CEP350: variants seen among roughly 807,000 people sequenced by gnomAD.
CEP350 encodes the protein centrosomal protein 350.
A neutral mutation model predicts 331.8 loss-of-function variants in CEP350; 126 were observed. The ratio of observed to expected loss-of-function variants is 0.38; its 90% CI spans 0.33 to 0.44. CEP350 has a LOEUF of 0.44. Ranked by LOEUF, CEP350 falls within the 20% of genes least tolerant of loss-of-function variation. CEP350 has a pLI of 1.00. For synonymous variants in CEP350, 1,200 were observed against 1,259.5 expected (o/e 0.95, Z 1.00); for missense variants, 3,406 against 3,634.6 (o/e 0.94, Z 1.62).
chr1:180,092,693 C>A lies in CEP350; in HGVS notation c.6588C>A (p.Asp2196Glu). ...ATGCAAAGAGAGTAAATGAATGGGA[C>A]AGTCGAACAGAAGATTTTCAGACCC... The part of the protein sequence containing the change: ...SAYAKRVNEW[D>E]SRTEDFQTPS... The change falls in exon 34 of 38, where the codon GAC (aspartate) becomes GAA (glutamate). Residue 2196 changes from aspartate to glutamate, a missense_variant. Physicochemically the swap from Asp to Glu is conservative, Grantham distance 45. Coordinates refer to ENST00000367607, the MANE Select transcript of CEP350 (RefSeq NM_014810.5). The A allele has an allele frequency of 6.2e-7, 1 of 1,612,700 alleles. No homozygotes were observed. The highest frequency in any genetic ancestry group is 2.2e-5 in the East Asian group (1 of 44,800).
chr1:180,075,683 G>A (rs1040878801), intron 28 of CEP350, among the ~76,000 whole-genome samples: 1 of 151,974 alleles, frequency 6.6e-6, no homozygotes, highest in African/African-American at 2.4e-5. Flanking sequence ...GGCTAGGCGC[G>A]GTGGCTCATG....
intron 1 of CEP350, among the ~76,000 whole-genome samples, chr1:179,973,870 A>G (rs1240589728): frequency 1.3e-5 from 2 of 151,702 alleles, no homozygotes; most frequent in Non-Finnish European, 2.9e-5. Flanking sequence ...AGTGATAAAT[A>G]TGTTAATTGT....
At chr1:180,053,261 C>T (rs544125814) in intron 23 of CEP350, 95 bp downstream of exon 23, 50 of 577,772 alleles carry the variant, frequency 8.7e-5, no homozygotes, top group African/African-American at 8.3e-4. Flanking sequence ...TTGTCAGCTA[C>T]TAGAATGATT....
chr1:180,064,841 G>A (rs1658449496), intron 26 of CEP350, among the ~76,000 whole-genome samples: 1 of 151,410 alleles, frequency 6.6e-6, no homozygotes, highest in Non-Finnish European at 1.5e-5. Context: ...AAGCTTTTTT[G>A]GATTTCTTAC....
chr1:180,106,735 T>C (rs1281785118), intron 37 of CEP350, among the ~76,000 whole-genome samples: 1 of 152,130 alleles, frequency 6.6e-6, no homozygotes, highest in Admixed American at 6.5e-5. Context: ...ACCAGCCTCG[T>C]GTATTATTTA....
chr1:179,987,738 G>A (rs1652740501), intron 3 of CEP350, among the ~76,000 whole-genome samples: 1 of 151,446 alleles, frequency 6.6e-6, no homozygotes, highest in Non-Finnish European at 1.5e-5. Context: ...ATTAGCCTGG[G>A]CAACATGGCA....
chr1:179,986,065 C>T, intron 1 of CEP350, 104 bp from the exon 2 acceptor site: 3 of 879,876 alleles, frequency 3.4e-6, no homozygotes, highest in Non-Finnish European at 5.2e-6. Context: ...TATTTACATC[C>T]TAATGGGTGT....
chr1:180,052,826 T>C, intron 22 of CEP350, 144 bp from the exon 23 acceptor site: 1 of 418,924 alleles, frequency 2.4e-6, no homozygotes, highest in Non-Finnish European at 4.2e-6. Context: ...AAATGAATTT[T>C]GTTTATTATT....
At chr1:180,066,447 T>C (rs552311133) in intron 27 of CEP350, among the ~76,000 whole-genome samples, 9 of 152,322 alleles carry the variant, frequency 5.9e-5, no homozygotes, top group Admixed American at 2.6e-4. Flanking sequence ...TAATGCTCTA[T>C]GTTTATATGT....
intron 27 of CEP350, among the ~76,000 whole-genome samples, chr1:180,072,012 A>G (rs73036413): frequency 0.017 from 2,524 of 152,228 alleles, 71 homozygotes; most frequent in African/African-American, 0.057. Context: ...CCTGTGTAGC[A>G]TCTTGAAGGA....
chr1:180,067,040 A>C (rs923977849), intron 27 of CEP350, among the ~76,000 whole-genome samples: 4 of 152,172 alleles, frequency 2.6e-5, no homozygotes, highest in South Asian at 2.1e-4. Context: ...GAAAAAACTT[A>C]ATTCCAGTCT....
intron 1 of CEP350, among the ~76,000 whole-genome samples, chr1:179,974,792 G>GAAC (rs759621403): frequency 1.3e-5 from 2 of 152,122 alleles, no homozygotes; most frequent in Admixed American, 6.6e-5. Context: ...AGGATTTGAA[G>GAAC]AACAGCCTGA....
chr1:180,000,184 C>T (rs1460129986), intron 6 of CEP350, among the ~76,000 whole-genome samples: 1 of 151,946 alleles, frequency 6.6e-6, no homozygotes, highest in Non-Finnish European at 1.5e-5. Context: ...TTAAAGTTAA[C>T]ATATAAGATG....
intron 14 of CEP350, among the ~76,000 whole-genome samples, chr1:180,026,350 G>T (rs1023069531): frequency 1.8e-4 from 28 of 151,530 alleles, no homozygotes; most frequent in Non-Finnish European, 4.0e-4. Flanking sequence ...TCACTTTGTT[G>T]CCCAGGCTGG....
chr1:179,969,804 AT>A (rs1202675683), intron 1 of CEP350, among the ~76,000 whole-genome samples: 7 of 152,072 alleles, frequency 4.6e-5, no homozygotes, highest in South Asian at 2.1e-4. Context: ...AATAAAAAAA[AT>A]ATACACTGAA....
At chr1:180,043,806 T>G (rs1656932881) in intron 20 of CEP350, among the ~76,000 whole-genome samples, 1 of 144,882 alleles carries the variant, frequency 6.9e-6, no homozygotes, top group South Asian at 2.2e-4. Flanking sequence ...GTGTGTGTGT[T>G]TTCTTAATCA....
In CEP350 at chr1:179,987,252, C is replaced by A; in HGVS notation, c.86C>A (p.Thr29Lys). The change falls in exon 3 of 38, where the codon ACA becomes AAA. Residue 29 changes from threonine to lysine, a missense_variant. Physicochemically the swap from Thr to Lys is moderately conservative, Grantham distance 78 (BLOSUM62 -1). Transcript: ENST00000367607. ...TTTTTTTTCCCAGCAGATATAACCA[C>A]ATCGTGGGATGCACTTTCTCAAACC... Reference protein sequence around the residue: ...SKDTVQADITTSWDALSQTKA... With the variant: ...SKDTVQADITKSWDALSQTKA... The A allele has an allele frequency of 1.3e-6, 2 of 1,552,492 alleles. No homozygotes were observed. Among genetic ancestry groups the A allele is most frequent in the Non-Finnish European group, 1.8e-6 (2 of 1,131,616 alleles).
In CEP350 at chr1:180,020,635, G is replaced by T. The variant is rs759037916; in HGVS notation, c.2861G>T (p.Arg954Met). 1 of 1,613,832 alleles carries T rather than the reference G, an allele frequency of 6.2e-7. No individual in the cohort carries two copies. Among genetic ancestry groups the T allele is most frequent in the Non-Finnish European group, 8.5e-7 (1 of 1,179,886 alleles). ...GGGCTACTGGCACAGTTATGTAAAA[G>T]GCAGACTGACTCTTCTAGCTCTGAT... The part of the protein sequence containing the change: ...PEGLLAQLCK[R>M]QTDSSSSDMQ... The change falls in exon 12 of 38, where the codon AGG (arginine) becomes ATG (methionine). Residue 954 changes from arginine to methionine, a missense_variant. Transcript: ENST00000367607.
At chr1:179,992,626 A>G (rs1010007089) in intron 5 of CEP350, among the ~76,000 whole-genome samples, 2 of 151,994 alleles carry the variant, frequency 1.3e-5, no homozygotes, top group African/African-American at 4.8e-5. Context: ...GGTAGCATTA[A>G]TTAGTCACAT....
Sources: allele counts gnomAD v4.1 joint callset (sites outside exome capture counted in the v4.1 genomes callset), GRCh38; gene constraint gnomAD v4.1.1; transcripts MANE v1.5; gene names NCBI Gene and HGNC (gene_info 2026-07-23, HGNC 2026-07-21).